GMDS: variants seen among roughly 807,000 people sequenced by gnomAD.
GMDS encodes GDP-mannose 4,6 dehydratase.
In GMDS, 20 loss-of-function variants were observed where a neutral mutation model predicts 49.9. The observed-to-expected ratio is 0.40, with a 90% CI of 0.28 to 0.58. The LOEUF (loss-of-function observed/expected upper bound fraction) is 0.58, where lower values mean the gene tolerates loss of function less well. Among genes scored for constraint, GMDS ranks in the 20% least tolerant of loss-of-function variants. GMDS has a pLI of 0.42. For missense variants in GMDS, 362 were observed against 481.4 expected, an observed-to-expected ratio of 0.75 and a Z score of 2.32; for synonymous variants, 177 against 178.6, an observed-to-expected ratio of 0.99 and a Z score of 0.07.
At position 1,759,631 on chromosome 6, in the gene GMDS, C is replaced by T. The variant is rs538033554; in HGVS notation, c.772-17045G>A. On this transcript the variant is annotated intron_variant, in intron 7 of 10. Transcript: ENST00000380815. ...TGTGCTAGAGTCTGGCGATAGACCA[C>T]GTAGGAACAGACAGGGAAGACACTG... Among the ~76,000 whole-genome samples, 11 of 152,274 alleles carry T rather than the reference C, an allele frequency of 7.2e-5. No homozygotes were observed. The South Asian group carries it at 2.1e-3, about 29-fold the overall frequency.
At chr6:1,944,856 C>G (rs559686406) in intron 6 of GMDS, among the ~76,000 whole-genome samples, 29 of 152,138 alleles carry the variant, frequency 1.9e-4, no homozygotes, top group Non-Finnish European at 3.7e-4. Context: ...AATCATGTCT[C>G]CTTCCACAAG....
intron 4 of GMDS, among the ~76,000 whole-genome samples, chr6:2,035,373 C>T (rs1769239175): frequency 6.6e-6 from 1 of 152,182 alleles, no homozygotes; most frequent in Non-Finnish European, 1.5e-5. Flanking sequence ...TCTTCAAGGC[C>T]AACCCAACTC....
rs556984163 is a variant in GMDS at position 1,657,468 on chromosome 6, T to C, written c.988-32928A>G. On this transcript the variant is annotated intron_variant, in intron 9 of 10. Coordinates refer to ENST00000380815, the MANE Select transcript of GMDS (RefSeq NM_001500.4). ...GATGAGCCAGCAGATAGCCGCTGTA[T>C]GGTAACTCGTGCCACAATAAAAATG... Among the ~76,000 whole-genome samples, 16 of 152,344 alleles carry C rather than the reference T, an allele frequency of 1.1e-4. No individual in the cohort carries two copies. In the South Asian group the frequency reaches 1.7e-3, roughly 16 times the overall value.
chr6:2,103,188 C>T (rs1407532308), intron 4 of GMDS, among the ~76,000 whole-genome samples: 1 of 152,170 alleles, frequency 6.6e-6, no homozygotes, highest in Non-Finnish European at 1.5e-5. Flanking sequence ...GCATTCCCTT[C>T]TAACCTCATT....
At chr6:1,659,308 C>T (rs944226338) in intron 9 of GMDS, among the ~76,000 whole-genome samples, 1 of 151,844 alleles carries the variant, frequency 6.6e-6, no homozygotes, top group Non-Finnish European at 1.5e-5. Flanking sequence ...AACTTTACCA[C>T]ATTGTGCAAG....
intron 4 of GMDS, among the ~76,000 whole-genome samples, chr6:1,995,501 GA>G (rs1234138012): frequency 7.9e-6 from 1 of 126,834 alleles, no homozygotes; most frequent in Non-Finnish European, 1.7e-5. Flanking sequence ...GTCTCAGAGA[GA>G]ACATCAACAA....
intron 1 of GMDS, among the ~76,000 whole-genome samples, chr6:2,215,000 A>G (rs534476019): frequency 4.6e-5 from 7 of 152,330 alleles, no homozygotes; most frequent in African/African-American, 1.7e-4. Flanking sequence ...GTTAAGACCA[A>G]CTGTGAAGTA....
Position 1,837,338 on chromosome 6 carries a change from C to T in GMDS, c.771+92765G>A, listed in dbSNP as rs563090095. Among the ~76,000 whole-genome samples, 8 of 152,194 alleles carry T rather than the reference C, an allele frequency of 5.3e-5. No homozygotes were observed. The East Asian group carries it at 1.4e-3, about 26-fold the overall frequency. ...AAGGGACATAGCCGGTTCTTCAAAA[C>T]ATATAGTAAGTTAACATAAAATTAC... is the stretch of plus-strand genomic sequence containing the variant. On this transcript the variant is annotated intron_variant, in intron 7 of 10. Transcript: ENST00000380815.
intron 4 of GMDS, among the ~76,000 whole-genome samples, chr6:2,034,186 T>C (rs1170827594): frequency 1.3e-5 from 2 of 152,210 alleles, no homozygotes; most frequent in Non-Finnish European, 2.9e-5. Flanking sequence ...TTCTTTAGTT[T>C]ACGGACAGAC....
intron 1 of GMDS, among the ~76,000 whole-genome samples, chr6:2,201,302 C>T (rs1779522036): frequency 7.2e-6 from 1 of 139,386 alleles, no homozygotes; most frequent in Non-Finnish European, 1.5e-5. Flanking sequence ...ACATGCGCAT[C>T]CGAGATGAAA....
intron 1 of GMDS, among the ~76,000 whole-genome samples, chr6:2,168,622 C>A (rs953432202): frequency 2.0e-5 from 3 of 152,166 alleles, no homozygotes; most frequent in East Asian, 1.9e-4. Context: ...TATGCTTTTT[C>A]TTTTCTTTGC....
chr6:1,842,529 A>G (rs144824696), intron 7 of GMDS, among the ~76,000 whole-genome samples: 61 of 152,360 alleles, frequency 4.0e-4, no homozygotes, highest in Admixed American at 3.3e-3. Context: ...GCCGACTTAC[A>G]GCCACAGCAG....
At chr6:1,826,151 C>T (rs114318237) in intron 7 of GMDS, among the ~76,000 whole-genome samples, 2,653 of 152,252 alleles carry the variant, frequency 0.017, 83 homozygotes, top group African/African-American at 0.059. Context: ...CATGACTGCA[C>T]ACTACTGTAG....
At chr6:2,242,452 G>T (rs552800798) in intron 1 of GMDS, among the ~76,000 whole-genome samples, 1 of 152,172 alleles carries the variant, frequency 6.6e-6, no homozygotes, top group African/African-American at 2.4e-5. Context: ...TAAGAAGCCT[G>T]ACAATACGTA....
At chr6:1,679,138 G>C (rs1007044246) in intron 9 of GMDS, 1 of 152,234 alleles carries the variant, frequency 6.6e-6, no homozygotes, top group African/African-American at 2.4e-5. Context: ...TGTGAAACCT[G>C]TGTTGAGAGC....
intron 9 of GMDS, among the ~76,000 whole-genome samples, chr6:1,656,351 C>T (rs1438811599): frequency 6.6e-6 from 1 of 152,170 alleles, no homozygotes; most frequent in Non-Finnish European, 1.5e-5. Context: ...ACAGATTTGC[C>T]ATCACAAATT....
At chr6:2,011,418 TC>T (rs1767551359) in intron 4 of GMDS, among the ~76,000 whole-genome samples, 2 of 152,180 alleles carry the variant, frequency 1.3e-5, no homozygotes, top group African/African-American at 4.8e-5. Flanking sequence ...AATAGAACTA[TC>T]ATTCGATCTA....
chr6:1,859,033 C>G (rs777529413), intron 7 of GMDS, among the ~76,000 whole-genome samples: 1 of 152,050 alleles, frequency 6.6e-6, no homozygotes, highest in Non-Finnish European at 1.5e-5. Flanking sequence ...TCTGAGGTGA[C>G]GCAGTCTGCC....
Position 1,943,886 on chromosome 6 carries a change from CAGAG to C in GMDS, c.644-13660_644-13657del, listed in dbSNP as rs550580929. ...GAAGGATAAAAACTTTCTGTTGTGACAGAGAGAGTATCAAATTCAATATATTCAG... is the reference window on the plus strand; with the variant it reads ...GAAGGATAAAAACTTTCTGTTGTGACAGAGTATCAAATTCAATATATTCAG... On this transcript the variant is annotated intron_variant, in intron 6 of 10. Coordinates refer to ENST00000380815, the MANE Select transcript of GMDS (RefSeq NM_001500.4). Among the ~76,000 whole-genome samples the C allele has an allele frequency of 1.5e-3, 230 of 152,248 alleles. 1 individual carries two copies. The highest frequency in any genetic ancestry group is 2.4e-3 in the Non-Finnish European group (161 of 68,020).
Sources: allele counts gnomAD v4.1 joint callset (sites outside exome capture counted in the v4.1 genomes callset), GRCh38; gene constraint gnomAD v4.1.1; transcripts MANE v1.5; gene names NCBI Gene and HGNC (gene_info 2026-07-23, HGNC 2026-07-21).